The following DCUN1D4 variants were observed in gnomAD, a reference collection of about 807,000 sequenced individuals.
DCUN1D4 encodes the protein DCN1-like protein 4.
Under a neutral mutation model 47.9 loss-of-function variants are expected in DCUN1D4, and 22 were observed. The observed-to-expected ratio is 0.46, with a 90% confidence interval of 0.33 to 0.66. The LOEUF (loss-of-function observed/expected upper bound fraction) is 0.66. Among genes scored for constraint, DCUN1D4 ranks in the 30% least tolerant of loss-of-function variants. DCUN1D4 has a pLI of 0.02. For synonymous variants in DCUN1D4, 121 were observed against 112.2 expected, an observed-to-expected ratio of 1.08 and a Z score of -0.50; for missense variants, 301 against 340.8, an observed-to-expected ratio of 0.88 and a Z score of 0.92.
upstream of DCUN1D4, among the ~76,000 whole-genome samples, chr4:51,838,886 C>T (rs914190422): frequency 1.3e-5 from 2 of 152,086 alleles, no homozygotes; most frequent in Non-Finnish European, 2.9e-5. Context: ...ACCATCCTGG[C>T]CAACATGGCA....
chr4:51,908,879 G>T (rs1391075361), intron 8 of DCUN1D4: 1 of 456,210 alleles, frequency 2.2e-6, no homozygotes, highest in Admixed American at 2.3e-5. Flanking sequence ...CCACTATTCA[G>T]ATTGTGAGTG....
At chr4:51,885,547 AGT>A (rs1458630090) in intron 5 of DCUN1D4, among the ~76,000 whole-genome samples, 2 of 152,088 alleles carry the variant, frequency 1.3e-5, no homozygotes, top group Non-Finnish European at 2.9e-5. Context: ...GCAGAAGATG[AGT>A]GTAGTTACGG....
chr4:51,846,073 C>G (rs1722500624), intron 1 of DCUN1D4, among the ~76,000 whole-genome samples: 1 of 152,112 alleles, frequency 6.6e-6, no homozygotes, highest in South Asian at 2.1e-4. Flanking sequence ...AAATATGAAG[C>G]TAGTCATAGC....
chr4:51,843,516 C>G, intron 1 of DCUN1D4: 1 of 1,285,510 alleles, frequency 7.8e-7, no homozygotes, highest in Non-Finnish European at 9.8e-7. Context: ...GGGACTGGCT[C>G]TCTTTCAGTG....
At chr4:51,844,458 G>T (rs936826879) in intron 1 of DCUN1D4, 4 of 969,222 alleles carry the variant, frequency 4.1e-6, no homozygotes, top group African/African-American at 1.8e-5. Flanking sequence ...GGTGCGGGCT[G>T]CGGGGTTTCA....
intron 4 of DCUN1D4, among the ~76,000 whole-genome samples, chr4:51,877,019 G>A (rs929956462): frequency 6.6e-6 from 1 of 152,040 alleles, no homozygotes; most frequent in African/African-American, 2.4e-5. Flanking sequence ...ACCTTCCTCA[G>A]CCCCTGGTTA....
intron 8 of DCUN1D4, among the ~76,000 whole-genome samples, chr4:51,900,302 C>T: frequency 6.6e-6 from 1 of 152,012 alleles, no homozygotes; most frequent in Non-Finnish European, 1.5e-5. Flanking sequence ...CTGTGGTGCC[C>T]TCATTCATGC....
intron 1 of DCUN1D4, among the ~76,000 whole-genome samples, chr4:51,850,016 A>G (rs1723140909): frequency 2.0e-5 from 3 of 152,096 alleles, no homozygotes; most frequent in Non-Finnish European, 4.4e-5. Flanking sequence ...AAGATATAGA[A>G]CATTTCATTA....
intron 1 of DCUN1D4, among the ~76,000 whole-genome samples, chr4:51,847,258 G>A (rs1028035602): frequency 3.9e-5 from 6 of 152,048 alleles, no homozygotes; most frequent in Admixed American, 1.3e-4. Context: ...AAAGAATTAG[G>A]GGTGACTTGC....
chr4:51,905,798 C>T (rs1476177786), intron 8 of DCUN1D4, among the ~76,000 whole-genome samples: 1 of 152,024 alleles, frequency 6.6e-6, no homozygotes, highest in Non-Finnish European at 1.5e-5. Context: ...AGAGCAGAGA[C>T]CACGGATTTG....
chr4:51,845,318 TTGAAA>T lies in DCUN1D4; in HGVS notation c.25+2055_25+2059del, dbSNP rs1429590772. 4 of 973,854 alleles carry T rather than the reference TTGAAA, an allele frequency of 4.1e-6. No homozygotes were observed. The African/African-American group carries it at 5.3e-5, about 13-fold the overall frequency. 60.3% of individuals were successfully genotyped at this position (973,854 alleles called of 1,614,324 possible). On this transcript the variant is annotated intron_variant, in intron 1 of 10. Transcript: ENST00000334635. ...TGGGGTGTTTGAAAAAATAACTGTCTTGAAATGAGTGATGGAGGTGGGTTAGTGGA... is the reference window on the plus strand; with the variant it reads ...TGGGGTGTTTGAAAAAATAACTGTCTTGAGTGATGGAGGTGGGTTAGTGGA...
At chr4:51,874,593 A>G in intron 4 of DCUN1D4, 3 of 433,146 alleles carry the variant, frequency 6.9e-6, no homozygotes, top group Non-Finnish European at 1.2e-5. Flanking sequence ...TTGAATTCTT[A>G]GAAGTTAAAG....
chr4:51,915,835 TATG>T lies in DCUN1D4; in HGVS notation c.*2254_*2256del, dbSNP rs779489326. The T allele has an allele frequency of 6.6e-6, 1 of 152,558 alleles. No homozygotes were observed. Among genetic ancestry groups the T allele is most frequent in the South Asian group, 2.1e-4 (1 of 4,830 alleles). The allele number at this position is 152,558 out of a possible 1,614,324, so 9.5% of individuals were successfully genotyped here. A position where few individuals can be genotyped will look rare whatever the true frequency, so the allele number is the denominator to read the frequency against. On this transcript the variant is annotated 3_prime_UTR_variant, in exon 11 of 11. Coordinates refer to ENST00000334635, the MANE Select transcript of DCUN1D4 (RefSeq NM_001040402.3). ...ACTGCGTAAAAACTATTGCATTATGTATGATAAGAAAGTAAGTATTCCAAAGGG... is the reference window on the plus strand; with the variant it reads ...ACTGCGTAAAAACTATTGCATTATGTATAAGAAAGTAAGTATTCCAAAGGG...
At chr4:51,840,259 G>T (rs1317878717), upstream of DCUN1D4, among the ~76,000 whole-genome samples, 1 of 148,640 alleles carries the variant, frequency 6.7e-6, no homozygotes, top group Non-Finnish European at 1.5e-5. Flanking sequence ...TACTACAAAT[G>T]AGAAAAAAAA....
intron 3 of DCUN1D4, among the ~76,000 whole-genome samples, chr4:51,867,076 G>C (rs548182905): frequency 6.6e-6 from 1 of 152,374 alleles, no homozygotes; most frequent in South Asian, 2.1e-4. Flanking sequence ...CATGCTGGCT[G>C]CTGCAGTGGG....
the DCUN1D4 span, among the ~76,000 whole-genome samples, chr4:51,834,114 C>CTTTTTTTTTTTTTTTTTTTTTTTTTTT: frequency 1.3e-4 from 5 of 37,204 alleles, no homozygotes; most frequent in African/African-American, 5.3e-4. Context: ...TTTTTTTTTT[C>CTTTTTTTTTTTTTTTTTTTTTTTTTTT]TTTTTTTTTT....
At chr4:51,890,459 A>C (rs925769269) in intron 6 of DCUN1D4, among the ~76,000 whole-genome samples, 2 of 152,112 alleles carry the variant, frequency 1.3e-5, no homozygotes, top group African/African-American at 2.4e-5. Context: ...GTGTTTATCT[A>C]CCTATTGCCT....
chr4:51,902,653 C>T (rs963982077), intron 8 of DCUN1D4, among the ~76,000 whole-genome samples: 6 of 151,998 alleles, frequency 3.9e-5, no homozygotes, highest in African/African-American at 9.7e-5. Context: ...AAGTGGATTT[C>T]TTATGGATAG....
At chr4:51,868,119 G>A (rs1378885285) in intron 3 of DCUN1D4, among the ~76,000 whole-genome samples, 1 of 152,242 alleles carries the variant, frequency 6.6e-6, no homozygotes, top group Non-Finnish European at 1.5e-5. Context: ...AAAGCACCAG[G>A]AGTAGGGAGA....
Sources: gnomAD v4.1 joint callset for allele counts (sites outside exome capture counted in the v4.1 genomes callset) on GRCh38, gnomAD v4.1.1 for gene constraint, MANE v1.5 for transcripts, NCBI Gene and HGNC (gene_info 2026-07-23, HGNC 2026-07-21) for gene names.